The following LEKR1 variants were observed in gnomAD, a reference collection of about 807,000 sequenced individuals.
LEKR1 encodes the protein protein LEKR1.
A neutral mutation model predicts 72.4 loss-of-function variants in LEKR1; 59 were observed. The observed-to-expected ratio is 0.82, with a 90% confidence interval of 0.66 to 1.01. The LOEUF (loss-of-function observed/expected upper bound fraction) is 1.01. Ranked by LOEUF, LEKR1 falls within the 50% of genes least tolerant of loss-of-function variation. The pLI, the probability that LEKR1 is intolerant of heterozygous loss-of-function variation, is 0.00. For synonymous variants in LEKR1, 257 were observed against 263.2 expected (o/e 0.98, Z 0.23); for missense variants, 728 against 759.2 (o/e 0.96, Z 0.48).
intron 3 of LEKR1, among the ~76,000 whole-genome samples, chr3:156,862,655 T>C (rs1011747536): frequency 1.1e-4 from 17 of 152,104 alleles, no homozygotes; most frequent in Non-Finnish European, 2.4e-4. Flanking sequence ...ATAAACATTG[T>C]CACTTTCATA....
chr3:157,003,140 A>G (rs183868980), intron 9 of LEKR1, among the ~76,000 whole-genome samples: 2 of 152,312 alleles, frequency 1.3e-5, no homozygotes. Flanking sequence ...CTAATTTAAG[A>G]AATTAAGCAG....
chr3:156,900,101 A>G (rs995006367), intron 3 of LEKR1, among the ~76,000 whole-genome samples: 1 of 152,046 alleles, frequency 6.6e-6, no homozygotes, highest in Non-Finnish European at 1.5e-5. Context: ...AGTAAAACAG[A>G]CTGGTGGGGG....
At chr3:156,890,738 G>T (rs1720563303) in intron 3 of LEKR1, among the ~76,000 whole-genome samples, 1 of 152,076 alleles carries the variant, frequency 6.6e-6, no homozygotes, top group Non-Finnish European at 1.5e-5. Context: ...GTTGGTAATT[G>T]AGATCAGTGT....
At chr3:157,017,948 C>CAAAAAA (rs58950224) in intron 10 of LEKR1, among the ~76,000 whole-genome samples, 149 of 82,798 alleles carry the variant, frequency 1.8e-3, no homozygotes, top group African/African-American at 3.2e-3. Context: ...GACTCTGTCT[C>CAAAAAA]AAAAAAAAAA....
intron 3 of LEKR1, among the ~76,000 whole-genome samples, chr3:156,916,190 G>A (rs1243547649): frequency 2.6e-5 from 4 of 152,006 alleles, no homozygotes; most frequent in Non-Finnish European, 5.9e-5. Flanking sequence ...AAGTTGGATA[G>A]TGTGATGCTT....
intron 6 of LEKR1, among the ~76,000 whole-genome samples, chr3:156,947,330 A>C (rs937863528): frequency 3.3e-5 from 5 of 151,066 alleles, no homozygotes; most frequent in African/African-American, 9.7e-5. Context: ...CTCTTTTCCA[A>C]TTGTATCAGT....
At chr3:156,916,993 A>G (rs113017570) in intron 3 of LEKR1, among the ~76,000 whole-genome samples, 35 of 152,138 alleles carry the variant, frequency 2.3e-4, no homozygotes, top group African/African-American at 7.5e-4. Flanking sequence ...AAGAGTCTCA[A>G]AGAGAAACAG....
intron 2 of LEKR1, among the ~76,000 whole-genome samples, chr3:156,842,108 C>A (rs111640887): frequency 6.6e-6 from 1 of 152,216 alleles, no homozygotes; most frequent in South Asian, 2.1e-4. Flanking sequence ...CCCATCCCCC[C>A]AGTCCATGGG....
At chr3:156,831,686 C>CT (rs1381017838) in intron 2 of LEKR1, among the ~76,000 whole-genome samples, 2 of 152,174 alleles carry the variant, frequency 1.3e-5, no homozygotes, top group African/African-American at 2.4e-5. Flanking sequence ...ACCATCAGAT[C>CT]TTGTGAGACT....
At chr3:157,005,842 A>G (rs955250150) in intron 9 of LEKR1, among the ~76,000 whole-genome samples, 1 of 152,208 alleles carries the variant, frequency 6.6e-6, no homozygotes, top group Admixed American at 6.5e-5. Flanking sequence ...ACTCAGTTAC[A>G]TGAACATAAA....
intron 5 of LEKR1, among the ~76,000 whole-genome samples, chr3:156,933,028 TCAAACAAA>T (rs373732154): frequency 5.2e-4 from 79 of 152,014 alleles, no homozygotes; most frequent in Middle Eastern, 3.4e-3. Context: ...AGACTCCGTC[TCAAACAAA>T]CAAACAAACA....
chr3:156,971,430 G>T (rs1382197992), intron 6 of LEKR1, among the ~76,000 whole-genome samples: 2 of 152,168 alleles, frequency 1.3e-5, no homozygotes, highest in African/African-American at 4.8e-5. Context: ...ATAGGCATGG[G>T]CAAGGACTTC....
At chr3:156,909,216 C>A (rs1450270247) in intron 3 of LEKR1, among the ~76,000 whole-genome samples, 1 of 152,122 alleles carries the variant, frequency 6.6e-6, no homozygotes, top group African/African-American at 2.4e-5. Flanking sequence ...TTGTAAATTA[C>A]CCAGTCTTGA....
intron 6 of LEKR1, among the ~76,000 whole-genome samples, chr3:156,945,996 G>A (rs1726641923): frequency 6.6e-6 from 1 of 151,666 alleles, no homozygotes; most frequent in African/African-American, 2.4e-5. Context: ...GAATGACATT[G>A]GTATTTTGAT....
At chr3:156,936,877 T>C (rs1010829893) in intron 5 of LEKR1, among the ~76,000 whole-genome samples, 1 of 152,140 alleles carries the variant, frequency 6.6e-6, no homozygotes, top group Non-Finnish European at 1.5e-5. Context: ...ATGAAACTTT[T>C]AGGGAAAAAA....
At position 156,852,760 on chromosome 3, in the gene LEKR1, T is replaced by A; in HGVS notation, c.49-8T>A. ...AAAAATTTGGTAAGTGTATGTTCTG[T>A]TTCCTAGATGTTGCCTGAAGAAAAA... On this transcript the variant is annotated splice_polypyrimidine_tract_variant and splice_region_variant and intron_variant, in intron 2 of 12. Coordinates refer to ENST00000356539, the MANE Select transcript of LEKR1 (RefSeq NM_001004316.3). The A allele has an allele frequency of 6.8e-7, 1 of 1,475,132 alleles. No individual in the cohort carries two copies. The highest frequency in any genetic ancestry group is 9.0e-7 in the Non-Finnish European group (1 of 1,105,490). The allele number at this position is 1,475,132 out of a possible 1,614,324, so 91.4% of individuals were successfully genotyped here.
chr3:156,968,305 G>A (rs1053629252), intron 6 of LEKR1, among the ~76,000 whole-genome samples: 5 of 152,280 alleles, frequency 3.3e-5, no homozygotes, highest in Middle Eastern at 3.4e-3. Context: ...TGGACTAAAT[G>A]TTCCAATTAA....
intron 5 of LEKR1, among the ~76,000 whole-genome samples, chr3:156,936,789 G>C (rs1351169208): frequency 6.6e-6 from 1 of 152,124 alleles, no homozygotes; most frequent in Non-Finnish European, 1.5e-5. Flanking sequence ...TAAAGAAAAA[G>C]AGAAAGTGCC....
chr3:156,853,335 G>T (rs1437719434), intron 3 of LEKR1: 2 of 157,874 alleles, frequency 1.3e-5, no homozygotes, highest in East Asian at 3.4e-4. Context: ...TTTTTAAATG[G>T]CTTTGGATTT....
Sources: allele counts gnomAD v4.1 joint callset (sites outside exome capture counted in the v4.1 genomes callset), GRCh38; gene constraint gnomAD v4.1.1; transcripts MANE v1.5; gene names NCBI Gene and HGNC (gene_info 2026-07-23, HGNC 2026-07-21).